WDR36: variants seen among roughly 807,000 people sequenced by gnomAD.
The protein encoded by WDR36 is WD repeat-containing protein 36.
Under a neutral mutation model 112.7 loss-of-function variants are expected in WDR36, and 63 were observed. That is an observed-to-expected ratio of 0.56 (90% CI 0.46 to 0.69). The LOEUF (loss-of-function observed/expected upper bound fraction) is 0.69. Ranked by LOEUF, WDR36 falls within the 30% of genes least tolerant of loss-of-function variation. The pLI is 0.00. For missense variants in WDR36, 1,226 were observed against 1,070.3 expected (o/e 1.15, Z -2.03); for synonymous variants, 410 against 362.2 (o/e 1.13, Z -1.50).
intron 1 of WDR36, among the ~76,000 whole-genome samples, 158 bp downstream of exon 1, chr5:111,092,776 G>T (rs1752895392): frequency 6.6e-6 from 1 of 152,264 alleles, no homozygotes; most frequent in African/African-American, 2.4e-5. Context: ...TCACGTCCAC[G>T]TGCTGATTTG....
At position 111,107,358 on chromosome 5, in the gene WDR36, A is replaced by T. The variant is rs755131693; in HGVS notation, c.1245A>T (p.Ser415=). ...IACHQGKLSC[S]TWNYQKSTIG... is the part of the protein sequence containing the mutation. ...GCCATCAAGGTAAGCTATCTTGCTC[A>T]ACCTGGAATTATCAGAAATCTACAA... The change falls in exon 12 of 23, where the codon TCA becomes TCT. Residue 415 remains serine, a synonymous_variant. Transcript: ENST00000513710. The T allele has an allele frequency of 2.5e-6, 4 of 1,610,620 alleles. No individual in the cohort carries two copies. The highest frequency in any genetic ancestry group is 3.4e-6 in the Non-Finnish European group (4 of 1,177,758).
chr5:111,106,807 T>A (rs1753229130), intron 11 of WDR36, among the ~76,000 whole-genome samples: 1 of 151,400 alleles, frequency 6.6e-6, no homozygotes, highest in Non-Finnish European at 1.5e-5. Context: ...GTGGTCCTGA[T>A]TGCCTTGCCC....
intron 1 of WDR36, among the ~76,000 whole-genome samples, chr5:111,094,555 C>T (rs1023399361): frequency 1.3e-5 from 2 of 152,250 alleles, no homozygotes; most frequent in African/African-American, 4.8e-5. Flanking sequence ...ATTTCAGTAT[C>T]TATAGATAAA....
chr5:111,105,522 A>G (rs1406554923), intron 10 of WDR36, among the ~76,000 whole-genome samples, 162 bp downstream of exon 10: 1 of 151,644 alleles, frequency 6.6e-6, no homozygotes, highest in African/African-American at 2.4e-5. Flanking sequence ...CAAAGTTGCT[A>G]TAGAAGTGAT....
chr5:111,125,876 G>GGTATGCT, intron 22 of WDR36, 81 bp downstream of exon 22: 1 of 1,469,960 alleles, frequency 6.8e-7, no homozygotes, highest in South Asian at 1.1e-5. Flanking sequence ...TGCAAAGATG[G>GGTATGCT]GTATGCTGTA....
intron 7 of WDR36, 97 bp downstream of exon 7, chr5:111,104,015 A>G: frequency 6.7e-7 from 1 of 1,499,642 alleles, no homozygotes; most frequent in Non-Finnish European, 9.1e-7. Context: ...TTAATCTAAT[A>G]GAAGTGAATG....
intron 2 of WDR36, 68 bp downstream of exon 2, chr5:111,095,015 G>A: frequency 7.0e-7 from 1 of 1,427,682 alleles, no homozygotes; most frequent in South Asian, 1.2e-5. Context: ...ATAAATGTGA[G>A]ACTTACAGAG....
In WDR36 at chr5:111,097,188, C is replaced by T. The variant is rs755977268; in HGVS notation, c.291+9C>T. ...TTGCCCGTAATAAAGAGGTTGGTAT[C>T]GCTAAACTACTTGTTTGTCAGTCAG... On this transcript the variant is annotated intron_variant, in intron 3 of 22. Transcript: ENST00000513710. The T allele has an allele frequency of 2.5e-6, 4 of 1,591,618 alleles. No individual in the cohort carries two copies. Among genetic ancestry groups the T allele is most frequent in the African/African-American group, 2.7e-5 (2 of 74,290 alleles).
Position 111,113,796 on chromosome 5 carries a change from C to T in WDR36, c.1796+643C>T, listed in dbSNP as rs1466582438. Among the ~76,000 whole-genome samples the T allele has an allele frequency of 2.6e-5, 4 of 152,054 alleles. No homozygotes were observed. In the East Asian group the frequency reaches 7.7e-4, roughly 29 times the overall value. On this transcript the variant is annotated intron_variant, in intron 16 of 22. Transcript: ENST00000513710. ...TATGGAGAATCACAGAGTAAGGGGA[C>T]TGAGCGTGATAATGTAATAGCTTGA... is the stretch of plus-strand genomic sequence containing the variant.
chr5:111,103,170 T>G lies in WDR36; in HGVS notation c.598-616T>G, dbSNP rs569169931. Among the ~76,000 whole-genome samples the G allele has an allele frequency of 2.6e-5, 4 of 151,876 alleles. No individual in the cohort carries two copies. In the South Asian group the frequency reaches 8.3e-4, roughly 31 times the overall value. On this transcript the variant is annotated intron_variant, in intron 6 of 22. Coordinates refer to ENST00000513710, the MANE Select transcript of WDR36 (RefSeq NM_139281.3). ...TGACAAATTAATAAAACGTGTAGCCTGATTCCATTCTATAATGATATTGGA... is the reference window on the plus strand; with the variant it reads ...TGACAAATTAATAAAACGTGTAGCCGGATTCCATTCTATAATGATATTGGA...
intron 3 of WDR36, among the ~76,000 whole-genome samples, 171 bp from the exon 4 acceptor site, chr5:111,098,551 A>G (rs779208414): frequency 6.6e-6 from 1 of 152,164 alleles, no homozygotes; most frequent in Non-Finnish European, 1.5e-5. Context: ...GCAGATGAAC[A>G]TGCCTGGTCC....
At chr5:111,105,430 A>G (rs1403665057) in intron 10 of WDR36, 70 bp downstream of exon 10, 13 of 1,406,150 alleles carry the variant, frequency 9.2e-6, no homozygotes, top group Non-Finnish European at 1.3e-5. Flanking sequence ...AAACAACTGG[A>G]GGAAGTTTCA....
In WDR36 at chr5:111,102,502, T is replaced by C. The variant is rs868046360; in HGVS notation, c.597+103T>C. The C allele has an allele frequency of 2.2e-5, 25 of 1,136,550 alleles. No homozygotes were observed. The Middle Eastern group carries it at 6.5e-4, about 29-fold the overall frequency. The allele number at this position is 1,136,550 out of a possible 1,614,324, so 70.4% of individuals were successfully genotyped here. Reference sequence around the variant, plus strand: ...TTAGACGTAAAGACGAAACAATATATAGCTTAGTTTACCTTTAAAATTGTT... The same window carrying C: ...TTAGACGTAAAGACGAAACAATATACAGCTTAGTTTACCTTTAAAATTGTT... On this transcript the variant is annotated intron_variant, in intron 6 of 22. Transcript: ENST00000513710.
At chr5:111,125,039 A>G (rs1753649805) in intron 21 of WDR36, among the ~76,000 whole-genome samples, 1 of 152,184 alleles carries the variant, frequency 6.6e-6, no homozygotes, top group African/African-American at 2.4e-5. Context: ...GTGTTTTCCT[A>G]GGGTGCATAT....
rs890035257 is a variant in WDR36 at position 111,104,567 on chromosome 5, C to A, written c.907-130C>A. The A allele has an allele frequency of 3.5e-6, 5 of 1,445,530 alleles. No homozygotes were observed. The African/African-American group carries it at 4.2e-5, about 12-fold the overall frequency. 89.5% of individuals were successfully genotyped at this position (1,445,530 alleles called of 1,614,324 possible). A position where few individuals can be genotyped will look rare whatever the true frequency, so the allele number is the denominator to read the frequency against. On this transcript the variant is annotated intron_variant, in intron 8 of 22. Coordinates refer to ENST00000513710, the MANE Select transcript of WDR36 (RefSeq NM_139281.3). ...TTTCTCCCCCAATACCCACTCCCTC[C>A]CTTGTAGCTCCAGAGTCAGTGGCTT...
In WDR36 at chr5:111,123,931, A is replaced by T. The variant is rs771834936; in HGVS notation, c.2268+7A>T. 6.2e-7 allele frequency: 1 copy of T among 1,613,442 alleles called. No individual in the cohort carries two copies. Among genetic ancestry groups the T allele is most frequent in the Non-Finnish European group, 8.5e-7 (1 of 1,179,890 alleles). On this transcript the variant is annotated splice_region_variant and intron_variant, in intron 20 of 22. Transcript: ENST00000513710. ...AAATAATGATCCCCAGCAGGTAAAA[A>T]ACAAATTAGAAGATTCTAAGTATAT... is the stretch of plus-strand genomic sequence containing the variant.
rs886059765 is a variant in WDR36 at position 111,125,616 on chromosome 5, G to A, written c.2359G>A (p.Ala787Thr). The A allele has an allele frequency of 1.9e-6, 3 of 1,613,312 alleles. No individual in the cohort carries two copies. The highest frequency in any genetic ancestry group is 2.5e-6 in the Non-Finnish European group (3 of 1,179,588). The change falls in exon 22 of 23, where the codon GCT (alanine) becomes ACT (threonine). Residue 787 changes from alanine (A) to threonine (T), a missense_variant. Ala to Thr is a moderately conservative substitution (Grantham distance 58). Coordinates refer to ENST00000513710, the MANE Select transcript of WDR36 (RefSeq NM_139281.3). ...EGLVNNKYDT[A>T]LNLLKESGPS... ...ATTAAAATTTAATGCAGATGACACTGCTCTCAACCTTCTGAAAGAATCAGG... is the reference window on the plus strand; with the variant it reads ...ATTAAAATTTAATGCAGATGACACTACTCTCAACCTTCTGAAAGAATCAGG...
At chr5:111,111,450 GGAGTTGATGC>G in intron 15 of WDR36, 172 bp downstream of exon 15, 1 of 599,754 alleles carries the variant, frequency 1.7e-6, no homozygotes, top group East Asian at 3.0e-5. Context: ...TATTTTTCAG[GGAGTTGATGC>G]GATCAAATTA....
intron 18 of WDR36, 30 bp downstream of exon 18, chr5:111,120,623 A>T: frequency 6.4e-7 from 1 of 1,552,528 alleles, no homozygotes. Context: ...GTAATTTTTG[A>T]GGTGTAATAT....
Sources: allele counts gnomAD v4.1 joint callset (sites outside exome capture counted in the v4.1 genomes callset), GRCh38; gene constraint gnomAD v4.1.1; transcripts MANE v1.5; gene names NCBI Gene and HGNC (gene_info 2026-07-23, HGNC 2026-07-21).